The following TRIM7 variants were observed in gnomAD, a reference collection of about 807,000 sequenced individuals.
TRIM7 encodes the protein E3 ubiquitin-protein ligase TRIM7.
Under a neutral mutation model 37.9 loss-of-function variants are expected in TRIM7, and 32 were observed. The observed-to-expected ratio is 0.84, with a 90% confidence interval of 0.64 to 1.13. TRIM7 has a LOEUF of 1.13. Among genes scored for constraint, TRIM7 ranks in the 50% most tolerant of loss-of-function variants. The probability of loss-of-function intolerance (pLI) is 0.00; values close to 1 mark genes in which losing one functional copy is unlikely to be tolerated. For synonymous variants in TRIM7, 351 were observed against 321.3 expected, an observed-to-expected ratio of 1.09 and a Z score of -0.99; for missense variants, 732 against 714.0, an observed-to-expected ratio of 1.03 and a Z score of -0.29.
chr5:181,198,550 C>T (rs1757278671), intron 5 of TRIM7, 140 bp downstream of exon 5: 3 of 703,002 alleles, frequency 4.3e-6, no homozygotes, highest in Non-Finnish European at 7.5e-6. Context: ...ACCACAGCCC[C>T]TACACCAATC....
Position 181,194,386 on chromosome 5 carries a change from A to T in TRIM7, c.*780T>A, listed in dbSNP as rs2113042602. ...AGACCCAGTCTCTTAAAAGAAAATT[A>T]AAAAGAAAGAGTAAATAAAGTTCCA... On this transcript the variant is annotated 3_prime_UTR_variant, in exon 7 of 7. Transcript: ENST00000274773. 6.6e-6 allele frequency: 1 copy of T among 152,444 alleles called. No homozygotes were observed. Among genetic ancestry groups the T allele is most frequent in the Admixed American group, 6.5e-5 (1 of 15,302 alleles). 9.4% of individuals were successfully genotyped at this position (152,444 alleles called of 1,614,324 possible).
At position 181,195,230 on chromosome 5, in the gene TRIM7, T is replaced by C. The variant is rs745943027; in HGVS notation, c.1472A>G (p.Gln491Arg). ...AGAGAAAAGCGGGAACACGCGCTCC[T>C]GGAAGTTGACGCGGAAGGTGTAGAG... ...RHLYTFRVNF[Q>R]ERVFPLFSVC... Residue 491 changes from glutamine to arginine, a missense_variant, in exon 7 of 7, where the codon CAG becomes CGG. Gln to Arg is a conservative substitution (Grantham distance 43). Transcript: ENST00000274773. 151 of 1,613,034 alleles carry C rather than the reference T, an allele frequency of 9.4e-5. 2 individuals are homozygous for C. The highest frequency in any genetic ancestry group is 1.1e-4 in the Non-Finnish European group (135 of 1,179,572).
intron 1 of TRIM7, 162 bp downstream of exon 1, chr5:181,204,427 C>T: frequency 8.6e-7 from 1 of 1,156,996 alleles, no homozygotes; most frequent in Non-Finnish European, 1.1e-6. Context: ...GAACCGCGCT[C>T]AGCCCGGGAA....
intron 2 of TRIM7, 91 bp downstream of exon 2, chr5:181,203,452 GCA>G: frequency 6.4e-7 from 1 of 1,566,450 alleles, no homozygotes; most frequent in Non-Finnish European, 8.6e-7. Flanking sequence ...CGGTTCCATA[GCA>G]CACACTCCAA....
chr5:181,195,718 G>GT, intron 6 of TRIM7, 41 bp from the exon 7 acceptor site: 13 of 1,507,420 alleles, frequency 8.6e-6, no homozygotes, highest in Non-Finnish European at 1.2e-5. Flanking sequence ...ACGCAGCCAG[G>GT]CCCCTGGCAC....
chr5:181,204,432 C>T, intron 1 of TRIM7, 157 bp downstream of exon 1: 1 of 1,155,786 alleles, frequency 8.7e-7, no homozygotes, highest in Non-Finnish European at 1.1e-6. Flanking sequence ...GCGCTCAGCC[C>T]GGGAACCAGC....
rs990829359 is a variant in TRIM7 at position 181,195,356 on chromosome 5, T to C, written c.1346A>G (p.Glu449Gly). The C allele has an allele frequency of 1.3e-6, 2 of 1,579,386 alleles. No individual in the cohort carries two copies. The highest frequency in any genetic ancestry group is 1.7e-4 in the Middle Eastern group (1 of 5,958). ...GTGCCCGCAGCTGAGGGGCGACCGCTCGGGGCTGGTCACGGCCCAGTACTG... is the reference window on the plus strand; with the variant it reads ...GTGCCCGCAGCTGAGGGGCGACCGCCCGGGGCTGGTCACGGCCCAGTACTG... ...GGQYWAVTSP[E>G]RSPLSCGHLS... The change falls in exon 7 of 7, where the codon GAG becomes GGG. Residue 449 changes from glutamate (E) to glycine (G), a missense_variant. Glu to Gly is a moderately conservative substitution (Grantham distance 98). Coordinates refer to ENST00000274773, the MANE Select transcript of TRIM7 (RefSeq NM_203293.3).
chr5:181,195,852 T>G, intron 6 of TRIM7, 175 bp from the exon 7 acceptor site: 1 of 735,700 alleles, frequency 1.4e-6, no homozygotes, highest in Non-Finnish European at 2.0e-6. Context: ...AGATTTTGCT[T>G]CCCCCCGCCC....
At chr5:181,203,103 A>T in intron 2 of TRIM7, 1 of 255,946 alleles carries the variant, frequency 3.9e-6, no homozygotes, top group Non-Finnish European at 6.3e-6. Context: ...AAATAAAAAC[A>T]CTGTGAACAT....
intron 5 of TRIM7, 35 bp from the exon 6 acceptor site, chr5:181,198,253 C>A: frequency 6.2e-7 from 1 of 1,611,846 alleles, no homozygotes; most frequent in Non-Finnish European, 8.5e-7. Flanking sequence ...CGTGCATGAG[C>A]GACACGGGAG....
Position 181,205,013 on chromosome 5 carries a change from A to AG in TRIM7, c.97dup (p.Leu33ProfsTer6). The AG allele has an allele frequency of 6.8e-7, 1 of 1,476,548 alleles. No individual in the cohort carries two copies. The highest frequency in any genetic ancestry group is 8.9e-7 in the Non-Finnish European group (1 of 1,121,910). 91.5% of individuals were successfully genotyped at this position (1,476,548 alleles called of 1,614,324 possible). A position where few individuals can be genotyped will look rare whatever the true frequency, so the allele number is the denominator to read the frequency against. The stretch of plus-strand genomic sequence containing the variant: ...GGACACCGGCTCACGAAAGAGCTCT[A>AG]GGCAGATGGAGCACGTCGCCTCGCC... On this transcript the variant is annotated frameshift_variant, in exon 1 of 7. Transcript: ENST00000274773. LOFTEE classifies it high-confidence loss of function.
intron 2 of TRIM7, chr5:181,202,757 G>A (rs1382490387): frequency 6.6e-6 from 1 of 150,818 alleles, no homozygotes; most frequent in Non-Finnish European, 1.5e-5. Context: ...TAGAGACAGG[G>A]GTTTCACCGT....
chr5:181,203,627 G>A lies in TRIM7; in HGVS notation c.536C>T (p.Ser179Phe), dbSNP rs147644326. 12 of 1,611,888 alleles carry A rather than the reference G, an allele frequency of 7.4e-6. No homozygotes were observed. The African/African-American group carries it at 1.6e-4, about 22-fold the overall frequency. Residue 179 changes from serine to phenylalanine, a missense_variant, in exon 2 of 7, where the codon TCC becomes TTC. Coordinates refer to ENST00000274773, the MANE Select transcript of TRIM7 (RefSeq NM_203293.3). ...AVQEAKELLE[S>F]RLRVLKKELE... Reference sequence around the variant, plus strand: ...TTCCTTCTTCAAGACCCTCAGCCTGGACTCCAAGAGCTCCTGTAGATGAAG... The same window carrying A: ...TTCCTTCTTCAAGACCCTCAGCCTGAACTCCAAGAGCTCCTGTAGATGAAG...
chr5:181,198,367 G>A (rs932219362), intron 5 of TRIM7, 149 bp from the exon 6 acceptor site: 1 of 837,418 alleles, frequency 1.2e-6, no homozygotes, highest in African/African-American at 1.7e-5. Context: ...GCCAAGCATG[G>A]GGAGCGGGGG....
intron 4 of TRIM7, 34 bp from the exon 5 acceptor site, chr5:181,198,839 G>A (rs757481509): frequency 1.3e-6 from 2 of 1,514,602 alleles, no homozygotes; most frequent in South Asian, 1.2e-5. Context: ...GGGCCTGTGT[G>A]CACCATTTTG....
Position 181,195,236 on chromosome 5 carries a change from T to C in TRIM7, c.1466A>G (p.Asn489Ser), listed in dbSNP as rs889641065. Residue 489 changes from asparagine (N) to serine (S), a missense_variant, in exon 7 of 7, where the codon AAC (asparagine) becomes AGC (serine). Asn to Ser is a conservative substitution (Grantham distance 46). Transcript: ENST00000274773. ...AAGCGGGAACACGCGCTCCTGGAAGTTGACGCGGAAGGTGTAGAGGTGGCG... is the reference window on the plus strand; with the variant it reads ...AAGCGGGAACACGCGCTCCTGGAAGCTGACGCGGAAGGTGTAGAGGTGGCG... ...DMRHLYTFRV[N>S]FQERVFPLFS... 1 of 1,613,024 alleles carries C rather than the reference T, an allele frequency of 6.2e-7. No homozygotes were observed. Among genetic ancestry groups the C allele is most frequent in the East Asian group, 2.2e-5 (1 of 44,888 alleles).
chr5:181,198,935 A>G, intron 4 of TRIM7, 130 bp from the exon 5 acceptor site: 1 of 1,188,950 alleles, frequency 8.4e-7, no homozygotes, highest in Non-Finnish European at 1.2e-6. Context: ...ATGCAGAAAA[A>G]CCCATGGCCA....
rs1290549464 is a variant in TRIM7 at position 181,204,584 on chromosome 5, C to T, written c.522+5G>A. On this transcript the variant is annotated splice_donor_5th_base_variant and intron_variant, in intron 1 of 6. Transcript: ENST00000274773. ...ACCCACGGGGTGGGTGGGGGCTGCG[C>T]TCACCTTGGCCTCCTGCACCGCCTC... The T allele has an allele frequency of 3.6e-6, 5 of 1,398,922 alleles. No individual in the cohort carries two copies. The highest frequency in any genetic ancestry group is 4.6e-6 in the Non-Finnish European group (5 of 1,083,546). 86.7% of individuals were successfully genotyped at this position (1,398,922 alleles called of 1,614,324 possible). A position where few individuals can be genotyped will look rare whatever the true frequency, so the allele number is the denominator to read the frequency against.
chr5:181,197,923 C>A (rs778284828), intron 6 of TRIM7: 8 of 538,864 alleles, frequency 1.5e-5, no homozygotes, highest in Non-Finnish European at 2.3e-5. Flanking sequence ...GGCCGAGAAG[C>A]CTTTCCCAGT....
Sources: gnomAD v4.1 joint callset for allele counts on GRCh38, gnomAD v4.1.1 for gene constraint, MANE v1.5 for transcripts, NCBI Gene and HGNC (gene_info 2026-07-23, HGNC 2026-07-21) for gene names.